The following GAB4 variants were observed in gnomAD, a reference collection of about 807,000 sequenced individuals.
GAB4 encodes GRB2 associated binding protein family member 4, also known as GRB2-associated-binding protein 4.
A neutral mutation model predicts 51.3 loss-of-function variants in GAB4; 26 were observed. That is an observed-to-expected ratio of 0.51 (90% CI 0.37 to 0.70). GAB4 has a LOEUF of 0.70. GAB4 is among the 30% of genes least tolerant of loss of function. GAB4 has a pLI of 0.00. For synonymous variants in GAB4, 329 were observed against 291.2 expected, an observed-to-expected ratio of 1.13 and a Z score of -1.32; for missense variants, 759 against 734.6, an observed-to-expected ratio of 1.03 and a Z score of -0.38.
chr22:17,000,548 G>A (rs2060989296), intron 1 of GAB4, among the ~76,000 whole-genome samples: 1 of 151,982 alleles, frequency 6.6e-6, no homozygotes, highest in Non-Finnish European at 1.5e-5. Context: ...ACGTGAGATG[G>A]GTCTCCTGAA....
At chr22:16,968,113 G>T (rs1380608291) in intron 5 of GAB4, among the ~76,000 whole-genome samples, 185 bp downstream of exon 5, 1 of 152,200 alleles carries the variant, frequency 6.6e-6, no homozygotes, top group African/African-American at 2.4e-5. Context: ...CTTTCTTCCA[G>T]ACCTGGATAC....
chr22:16,964,832 G>A lies in GAB4; in HGVS notation c.1410C>T (p.His470=). The stretch of plus-strand genomic sequence containing the variant: ...TGGTGATGCTCTGCGTGGAGATGGG[G>A]TGTTGGGAGGAGCTGGAGTCAAAGG... ...SHTFDSSSSQ[H]PISTQSITNT... is the part of the protein sequence containing the mutation. Residue 470 remains histidine (H), a synonymous_variant, in exon 8 of 10, where the codon CAC becomes CAT. Coordinates refer to ENST00000400588, the MANE Select transcript of GAB4 (RefSeq NM_001037814.1). The A allele has an allele frequency of 6.2e-7, 1 of 1,614,046 alleles. No homozygotes were observed. Among genetic ancestry groups the A allele is most frequent in the Non-Finnish European group, 8.5e-7 (1 of 1,179,962 alleles).
At chr22:16,967,334 T>A (rs1257365168) in intron 5 of GAB4, 1 of 152,942 alleles carries the variant, frequency 6.5e-6, no homozygotes, top group African/African-American at 2.4e-5. Flanking sequence ...GGTTTCTGGA[T>A]ACCAGACCCA....
chr22:16,975,736 C>T (rs1427673433), intron 3 of GAB4, among the ~76,000 whole-genome samples: 1 of 152,192 alleles, frequency 6.6e-6, no homozygotes, highest in Non-Finnish European at 1.5e-5. Context: ...CAGCAGGCAT[C>T]GACAGACACC....
At chr22:16,983,993 A>G (rs2060846781) in intron 3 of GAB4, among the ~76,000 whole-genome samples, 1 of 152,230 alleles carries the variant, frequency 6.6e-6, no homozygotes, top group African/African-American at 2.4e-5. Flanking sequence ...ATAGCAAAGG[A>G]AAAAATTAAT....
At chr22:16,967,410 T>A (rs901117513) in intron 5 of GAB4, 2 of 152,592 alleles carry the variant, frequency 1.3e-5, no homozygotes, top group African/African-American at 4.8e-5. Flanking sequence ...CCACCTCAAG[T>A]CCTGACTCGG....
intron 3 of GAB4, among the ~76,000 whole-genome samples, chr22:16,986,224 T>C (rs1432597098): frequency 1.3e-5 from 2 of 152,216 alleles, no homozygotes; most frequent in Non-Finnish European, 2.9e-5. Context: ...CCTCAGTCTG[T>C]GTCAGCAAGG....
rs377709316 is a variant in GAB4, at chr22:16,991,902, A to T, written c.449T>A (p.Ile150Asn). The T allele has an allele frequency of 3.1e-6, 5 of 1,613,968 alleles. No homozygotes were observed. The African/African-American group carries it at 5.3e-5, about 17-fold the overall frequency. The change falls in exon 2 of 10, where the codon ATC becomes AAC. Residue 150 changes from isoleucine to asparagine, a missense_variant. Around this residue, in one of 3 missense-constraint regions of GAB4, gnomAD observed 88 missense variants for 151.3 expected, o/e 0.58. Transcript: ENST00000400588. ...GCTTTCCTCCTGCCTGAAGCCACAG[A>T]TCTGACAGATGCTCTGGACCCACTC... The part of the protein sequence containing the change: ...MNEWVQSICQ[I>N]CGFRQEESTG...
At chr22:16,978,410 G>A (rs1030540249) in intron 3 of GAB4, among the ~76,000 whole-genome samples, 2 of 152,146 alleles carry the variant, frequency 1.3e-5, no homozygotes, top group African/African-American at 4.8e-5. Context: ...ACACCTCTAT[G>A]CAAATAAACT....
rs1453253825 is a variant in GAB4 at position 16,962,142 on chromosome 22, C to G, written c.*591G>C. ...TTCCCTTCCTTTTGCCCTTCCCTCT[C>G]TGCCTCTCCCACCCGGGAGCAGCTG... On this transcript the variant is annotated 3_prime_UTR_variant, in exon 10 of 10. Transcript: ENST00000400588. 6.5e-6 allele frequency: 1 copy of G among 153,254 alleles called. No homozygotes were observed. Among genetic ancestry groups the G allele is most frequent in the Non-Finnish European group, 1.5e-5 (1 of 68,610 alleles). The allele number at this position is 153,254 out of a possible 1,614,324, so 9.5% of individuals were successfully genotyped here.
chr22:16,963,761 G>A lies in GAB4; in HGVS notation c.1545C>T (p.Asn515=). 6.2e-7 allele frequency: 1 copy of A among 1,613,930 alleles called. No homozygotes were observed. Among genetic ancestry groups the A allele is most frequent in the Non-Finnish European group, 8.5e-7 (1 of 1,179,978 alleles). Residue 515 remains asparagine, a synonymous_variant, in exon 9 of 10, where the codon AAC becomes AAT. Transcript: ENST00000400588. The stretch of plus-strand genomic sequence containing the variant: ...GGAAGTCCAGGGCCGCGTAGTGGAT[G>A]TTACCAGTGCTCCTCGGCGGGGCTG... ...SSSAPPRSTG[N]IHYAALDFQP...
intron 5 of GAB4, 171 bp from the exon 6 acceptor site, chr22:16,966,535 G>A (rs2060677158): frequency 5.8e-6 from 4 of 693,602 alleles, no homozygotes; most frequent in Admixed American, 5.9e-5. Context: ...CCAGATAGAA[G>A]TGCCCCAGCC....
intron 4 of GAB4, among the ~76,000 whole-genome samples, chr22:16,968,593 A>G (rs941438438): frequency 1.3e-5 from 2 of 152,144 alleles, no homozygotes; most frequent in African/African-American, 2.4e-5. Flanking sequence ...TTACCCACAC[A>G]GTGTCCCTCC....
At chr22:17,006,537 C>T (rs1341570547) in intron 1 of GAB4, among the ~76,000 whole-genome samples, 3 of 152,196 alleles carry the variant, frequency 2.0e-5, no homozygotes, top group Non-Finnish European at 4.4e-5. Context: ...AATCATTCTA[C>T]TATAAAGACA....
intron 3 of GAB4, among the ~76,000 whole-genome samples, chr22:16,970,966 CA>C (rs2060725896): frequency 6.6e-6 from 1 of 151,592 alleles, no homozygotes; most frequent in Admixed American, 6.6e-5. Context: ...GAAGCCCAGA[CA>C]GGCAGATGGC....
intron 1 of GAB4, 108 bp from the exon 2 acceptor site, chr22:16,992,284 T>A: frequency 1.1e-6 from 1 of 947,476 alleles, no homozygotes; most frequent in Non-Finnish European, 1.6e-6. Flanking sequence ...GCACTCAGCC[T>A]ATGTCTCCCT....
chr22:16,969,990 T>C lies in GAB4; in HGVS notation c.890A>G (p.His297Arg). ...TGTGAGGCTGCCTCTGGTGTGGCCATGGGAGGCCAGGCTCCAGGGGATTCT... is the reference window on the plus strand; with the variant it reads ...TGTGAGGCTGCCTCTGGTGTGGCCACGGGAGGCCAGGCTCCAGGGGATTCT... ...THRIPWSLAS[H>R]GHTRGSLTGS... is the part of the protein sequence containing the mutation. Residue 297 changes from histidine to arginine, a missense_variant, in exon 4 of 10, where the codon CAT (histidine) becomes CGT (arginine). Transcript: ENST00000400588. 4.3e-6 allele frequency: 7 copies of C among 1,614,142 alleles called. No individual in the cohort carries two copies. The highest frequency in any genetic ancestry group is 2.2e-5 in the East Asian group (1 of 44,878).
At chr22:16,971,185 C>T (rs1489705666) in intron 3 of GAB4, among the ~76,000 whole-genome samples, 1 of 152,164 alleles carries the variant, frequency 6.6e-6, no homozygotes, top group Non-Finnish European at 1.5e-5. Flanking sequence ...CAGAGCCAGA[C>T]CCTACCTCGG....
At position 16,970,041 on chromosome 22, in the gene GAB4, T is replaced by C. The variant is rs2060716532; in HGVS notation, c.839A>G (p.Asn280Ser). Residue 280 changes from asparagine to serine, a missense_variant, in exon 4 of 10, where the codon AAT becomes AGT. Asn to Ser is a conservative substitution (Grantham distance 46, BLOSUM62 1). Transcript: ENST00000400588. ...GTGGGTGCTGCCTCTGAATTCTGCA[T>C]TGTGCTGGCTGGGCTTGGAAAGGCT... ...FHSLSKPSQHNAEFRGSTHRI... is the reference protein window; with the variant it reads ...FHSLSKPSQHSAEFRGSTHRI... 6.2e-7 allele frequency: 1 copy of C among 1,614,174 alleles called. No individual in the cohort carries two copies. The highest frequency in any genetic ancestry group is 8.5e-7 in the Non-Finnish European group (1 of 1,180,020).
Sources: gnomAD v4.1 joint callset for allele counts (sites outside exome capture counted in the v4.1 genomes callset) on GRCh38, gnomAD v4.1.1 for gene constraint, gnomAD v4.1.1 regional missense constraint, MANE v1.5 for transcripts, NCBI Gene and HGNC (gene_info 2026-07-23, HGNC 2026-07-21) for gene names.